The following RABGAP1L variants were observed in gnomAD, a reference collection of about 807,000 sequenced individuals.
RABGAP1L encodes the protein rab GTPase-activating protein 1-like.
In RABGAP1L, 63 loss-of-function variants were observed where a neutral mutation model predicts 137.7. That is an observed-to-expected ratio of 0.46 (90% CI 0.37 to 0.56). The LOEUF (loss-of-function observed/expected upper bound fraction) is 0.56, where lower values mean the gene tolerates loss of function less well. RABGAP1L is among the 20% of genes least tolerant of loss of function. RABGAP1L has a pLI of 0.00. For synonymous variants in RABGAP1L, 431 were observed against 433.7 expected (o/e 0.99, Z 0.08); for missense variants, 1,095 against 1,244.0 (o/e 0.88, Z 1.80).
At chr1:174,391,566 G>T (rs992537743) in intron 12 of RABGAP1L, among the ~76,000 whole-genome samples, 1 of 151,900 alleles carries the variant, frequency 6.6e-6, no homozygotes, top group Non-Finnish European at 1.5e-5. Context: ...TGGTCTGAAC[G>T]CCTGGGCTCA....
Position 174,702,195 on chromosome 1 carries a change from T to A in RABGAP1L, c.2108T>A (p.Leu703His). The change falls in exon 17 of 26, where the codon CTT (leucine) becomes CAT (histidine). Residue 703 changes from leucine to histidine, a missense_variant. By Grantham distance (99) the Leu-to-His change is moderately conservative. Around this residue, in one of 4 missense-constraint regions of RABGAP1L, gnomAD observed 312 missense variants for 435.6 expected, o/e 0.72. Coordinates refer to ENST00000681986, the MANE Select transcript of RABGAP1L (RefSeq NM_001366446.1). ...HMYASQWFLT[L>H]FTAKFPLCMV... is the part of the protein sequence containing the mutation. Reference sequence around the variant, plus strand: ...TATGCATCCCAGTGGTTTCTCACTCTTTTTACTGCCAAGTTCCCACTCTGC... The same window carrying A: ...TATGCATCCCAGTGGTTTCTCACTCATTTTACTGCCAAGTTCCCACTCTGC... 1 of 1,612,642 alleles carries A rather than the reference T, an allele frequency of 6.2e-7. No homozygotes were observed.
chr1:174,791,016 C>T (rs1316426986), intron 18 of RABGAP1L, among the ~76,000 whole-genome samples: 1 of 151,890 alleles, frequency 6.6e-6, no homozygotes, highest in Non-Finnish European at 1.5e-5. Context: ...CATGGTGAAA[C>T]CCCGTCTCTA....
At chr1:174,201,582 G>A (rs1278655871) in intron 1 of RABGAP1L, among the ~76,000 whole-genome samples, 2 of 151,900 alleles carry the variant, frequency 1.3e-5, no homozygotes, top group Admixed American at 6.6e-5. Flanking sequence ...AGTCTAAAGG[G>A]AATGTGTGCT....
At chr1:174,649,198 A>G (rs533394702) in intron 14 of RABGAP1L, among the ~76,000 whole-genome samples, 1 of 152,224 alleles carries the variant, frequency 6.6e-6, no homozygotes, top group South Asian at 2.1e-4. Context: ...TAGCCTGTTT[A>G]CATTTAAGGT....
At chr1:174,449,347 C>A (rs976061416) in intron 13 of RABGAP1L, 5 of 666,976 alleles carry the variant, frequency 7.5e-6, no homozygotes, top group Admixed American at 6.8e-5. Flanking sequence ...CTTTTTTTTT[C>A]TTTTTCATGG....
intron 13 of RABGAP1L, among the ~76,000 whole-genome samples, chr1:174,429,441 A>G (rs1652334603): frequency 6.6e-6 from 1 of 152,254 alleles, no homozygotes; most frequent in East Asian, 1.9e-4. Flanking sequence ...TTACTAGCTC[A>G]TAAGATAAAC....
chr1:174,974,226 G>T (rs1007646366), intron 21 of RABGAP1L, among the ~76,000 whole-genome samples: 1 of 151,844 alleles, frequency 6.6e-6, no homozygotes, highest in Non-Finnish European at 1.5e-5. Context: ...TCCTGACCTC[G>T]TGATCAGCCT....
At chr1:174,623,610 A>G (rs1016225721) in intron 13 of RABGAP1L, among the ~76,000 whole-genome samples, 13 of 152,272 alleles carry the variant, frequency 8.5e-5, no homozygotes, top group African/African-American at 2.9e-4. Context: ...TCAGTGTTTG[A>G]TAATACACGT....
chr1:174,365,642 C>T (rs1295729279), intron 11 of RABGAP1L, among the ~76,000 whole-genome samples: 1 of 152,164 alleles, frequency 6.6e-6, no homozygotes, highest in Non-Finnish European at 1.5e-5. Flanking sequence ...TGAAGTCCCC[C>T]AGTTGCTGTG....
intron 13 of RABGAP1L, among the ~76,000 whole-genome samples, chr1:174,519,533 T>G (rs1663179401): frequency 6.6e-6 from 1 of 152,168 alleles, no homozygotes; most frequent in African/African-American, 2.4e-5. Context: ...ACTCCAATGT[T>G]AATCTCCTTT....
intron 11 of RABGAP1L, among the ~76,000 whole-genome samples, chr1:174,359,630 G>A (rs1337860493): frequency 6.6e-6 from 1 of 152,178 alleles, no homozygotes; most frequent in African/African-American, 2.4e-5. Context: ...ACTGGTGTCT[G>A]CTGAATGCCA....
Position 174,958,056 on chromosome 1 carries a change from A to AGAC in RABGAP1L, c.2433+508_2433+510dup, listed in dbSNP as rs1219362576. The AGAC allele has an allele frequency of 1.1e-5, 17 of 1,525,734 alleles. No individual in the cohort carries two copies. The Admixed American group carries it at 2.2e-4, about 20-fold the overall frequency. 94.5% of individuals were successfully genotyped at this position (1,525,734 alleles called of 1,614,324 possible). On this transcript the variant is annotated intron_variant, in intron 20 of 25. Transcript: ENST00000681986. Reference sequence around the variant, plus strand: ...TTAGCTGTGCATGTCATATCCACAAAGACTTTTAGCAGGTGAACTGTTCCA... The same window carrying AGAC: ...TTAGCTGTGCATGTCATATCCACAAAGACGACTTTTAGCAGGTGAACTGTTCCA...
At chr1:174,710,870 T>C (rs1057272424) in intron 17 of RABGAP1L, among the ~76,000 whole-genome samples, 1 of 152,150 alleles carries the variant, frequency 6.6e-6, no homozygotes, top group Non-Finnish European at 1.5e-5. Context: ...AAAGACAGAC[T>C]GGCAAATTGG....
chr1:174,672,619 CTT>C (rs1328667212), intron 14 of RABGAP1L, among the ~76,000 whole-genome samples: 1 of 151,932 alleles, frequency 6.6e-6, no homozygotes, highest in Non-Finnish European at 1.5e-5. Flanking sequence ...TCTCAAACTG[CTT>C]TTGCTGCATC....
chr1:174,872,263 T>C (rs554937855), intron 19 of RABGAP1L, among the ~76,000 whole-genome samples: 1 of 152,178 alleles, frequency 6.6e-6, no homozygotes, highest in South Asian at 2.1e-4. Context: ...ACAAGAATAA[T>C]GGTGTTCTTT....
chr1:174,397,676 G>A (rs1191969837), intron 13 of RABGAP1L, among the ~76,000 whole-genome samples: 2 of 152,100 alleles, frequency 1.3e-5, no homozygotes, highest in Non-Finnish European at 2.9e-5. Context: ...TTCACAAGAT[G>A]GCTTTTCTAC....
intron 5 of RABGAP1L, among the ~76,000 whole-genome samples, chr1:174,243,499 G>A (rs1672001309): frequency 6.6e-6 from 1 of 152,078 alleles, no homozygotes; most frequent in African/African-American, 2.4e-5. Flanking sequence ...ACCTTATTAT[G>A]AGACATTATT....
At chr1:174,912,373 C>T (rs1202933456) in intron 19 of RABGAP1L, among the ~76,000 whole-genome samples, 2 of 152,160 alleles carry the variant, frequency 1.3e-5, no homozygotes, top group African/African-American at 4.8e-5. Context: ...GAACTCCTGG[C>T]CTCATGTGAT....
At chr1:174,490,197 C>A (rs935281256) in intron 13 of RABGAP1L, among the ~76,000 whole-genome samples, 6 of 152,044 alleles carry the variant, frequency 3.9e-5, no homozygotes, top group African/African-American at 1.4e-4. Context: ...GTAGTCTTCT[C>A]ATTCTGGGCT....
Sources: gnomAD v4.1 joint callset for allele counts (sites outside exome capture counted in the v4.1 genomes callset) on GRCh38, gnomAD v4.1.1 for gene constraint, gnomAD v4.1.1 regional missense constraint, MANE v1.5 for transcripts, NCBI Gene and HGNC (gene_info 2026-07-23, HGNC 2026-07-21) for gene names.